The following SORCS1 variants were observed in gnomAD, a reference collection of about 807,000 sequenced individuals.
The protein encoded by SORCS1 is VPS10 domain-containing receptor SorCS1.
In SORCS1, 60 loss-of-function variants were observed where a neutral mutation model predicts 146.1. The ratio of observed to expected loss-of-function variants is 0.41; its 90% CI spans 0.33 to 0.51. SORCS1 has a LOEUF of 0.51. Ranked by LOEUF, SORCS1 falls within the 20% of genes least tolerant of loss-of-function variation. SORCS1 has a pLI of 0.21. For synonymous variants in SORCS1, 637 were observed against 584.0 expected (o/e 1.09, Z -1.31); for missense variants, 1,352 against 1,487.6 (o/e 0.91, Z 1.50).
intron 1 of SORCS1, among the ~76,000 whole-genome samples, chr10:107,043,017 C>T (rs1236765337): frequency 1.3e-5 from 2 of 152,062 alleles, no homozygotes; most frequent in East Asian, 1.9e-4. Context: ...TCAATTTATC[C>T]CAAAGATCCC....
chr10:107,125,314 C>T (rs761844084), intron 1 of SORCS1, among the ~76,000 whole-genome samples: 12 of 152,276 alleles, frequency 7.9e-5, no homozygotes, highest in South Asian at 6.2e-4. Flanking sequence ...AGAAGTTTCA[C>T]AAATTTGCTC....
intron 13 of SORCS1, 56 bp from the exon 14 acceptor site, chr10:106,675,212 T>C: frequency 7.4e-7 from 1 of 1,348,460 alleles, no homozygotes; most frequent in African/African-American, 1.4e-5. Flanking sequence ...AAAATGTCAT[T>C]TCAAAGGAAA....
chr10:106,875,658 T>C (rs1418913111), intron 2 of SORCS1, among the ~76,000 whole-genome samples: 2 of 152,206 alleles, frequency 1.3e-5, no homozygotes, highest in African/African-American at 2.4e-5. Context: ...TGGCCATTGT[T>C]GCAGGAGTAA....
At chr10:106,715,394 C>G (rs1051338836) in intron 6 of SORCS1, among the ~76,000 whole-genome samples, 1 of 152,142 alleles carries the variant, frequency 6.6e-6, no homozygotes, top group Non-Finnish European at 1.5e-5. Flanking sequence ...TAATGCAATC[C>G]CCATCCACCC....
chr10:106,854,762 C>T (rs1949719154), intron 2 of SORCS1, among the ~76,000 whole-genome samples: 2 of 152,180 alleles, frequency 1.3e-5, no homozygotes, highest in Admixed American at 6.5e-5. Context: ...AATTCTCCTT[C>T]CCAATTCTTG....
intron 1 of SORCS1, among the ~76,000 whole-genome samples, chr10:107,062,063 A>G (rs1961281746): frequency 6.6e-6 from 1 of 152,128 alleles, no homozygotes; most frequent in Admixed American, 6.6e-5. Flanking sequence ...CAAGTCCCTC[A>G]TCTTTAGATG....
chr10:107,001,314 C>A (rs1957208863), intron 1 of SORCS1, among the ~76,000 whole-genome samples: 1 of 152,090 alleles, frequency 6.6e-6, no homozygotes, highest in East Asian at 1.9e-4. Context: ...GTGGGGAGTG[C>A]AATGGGAGGA....
At chr10:106,794,432 T>C (rs1946447354) in intron 3 of SORCS1, among the ~76,000 whole-genome samples, 1 of 152,194 alleles carries the variant, frequency 6.6e-6, no homozygotes, top group East Asian at 1.9e-4. Flanking sequence ...GAGAGCACAT[T>C]AAACACTGGA....
In SORCS1 at chr10:107,079,438, G is replaced by C. The variant is rs144576375; in HGVS notation, c.558+84531C>G. Among the ~76,000 whole-genome samples the C allele has an allele frequency of 2.0e-4, 31 of 152,264 alleles. 1 individual carries two copies. In the East Asian group the frequency reaches 5.6e-3, roughly 28 times the overall value. On this transcript the variant is annotated intron_variant, in intron 1 of 25. Coordinates refer to ENST00000263054, the MANE Select transcript of SORCS1 (RefSeq NM_052918.5). ...TCTACATTGTTTGTCATAATGGAGG[G>C]TTGGTATTAGTGCTTCCCCTGATCT...
chr10:106,732,825 CA>C (rs1856690628), intron 5 of SORCS1, among the ~76,000 whole-genome samples: 1 of 151,968 alleles, frequency 6.6e-6, no homozygotes, highest in Non-Finnish European at 1.5e-5. Flanking sequence ...TATCAACAAA[CA>C]AAAAACAGGC....
In SORCS1 at chr10:106,787,144, C is replaced by T. The variant is rs905447095; in HGVS notation, c.727-10452G>A. Among the ~76,000 whole-genome samples, 5 of 152,092 alleles carry T rather than the reference C, an allele frequency of 3.3e-5. No individual in the cohort carries two copies. In the South Asian group the frequency reaches 8.3e-4, roughly 25 times the overall value. ...AACCTATATCTAGGCATTATAATCC[C>T]CTCATTTAATTAAGGATCTGATATC... On this transcript the variant is annotated intron_variant, in intron 3 of 25. Coordinates refer to ENST00000263054, the MANE Select transcript of SORCS1 (RefSeq NM_052918.5).
intron 2 of SORCS1, among the ~76,000 whole-genome samples, chr10:106,941,173 T>C (rs901993052): frequency 2.3e-4 from 35 of 152,178 alleles, no homozygotes; most frequent in African/African-American, 7.7e-4. Flanking sequence ...ATATAGTAAA[T>C]TGTCAGTATA....
At chr10:106,983,288 ATTC>A (rs995027228) in intron 1 of SORCS1, among the ~76,000 whole-genome samples, 1 of 149,434 alleles carries the variant, frequency 6.7e-6, no homozygotes, top group Non-Finnish European at 1.5e-5. Context: ...ACATATTTCT[ATTC>A]TTAGAAATTA....
At chr10:106,757,390 G>A (rs1858730906) in intron 5 of SORCS1, among the ~76,000 whole-genome samples, 2 of 152,064 alleles carry the variant, frequency 1.3e-5, no homozygotes, top group African/African-American at 2.4e-5. Context: ...GATTAAAGGA[G>A]GTTTCTTTTA....
chr10:106,647,859 T>G (rs1158137415), intron 18 of SORCS1, among the ~76,000 whole-genome samples: 1 of 152,044 alleles, frequency 6.6e-6, no homozygotes, highest in African/African-American at 2.4e-5. Flanking sequence ...ATATCTACCG[T>G]TTTTTAATTT....
At chr10:106,981,687 T>C (rs368847456) in intron 1 of SORCS1, among the ~76,000 whole-genome samples, 3 of 152,260 alleles carry the variant, frequency 2.0e-5, no homozygotes, top group African/African-American at 4.8e-5. Context: ...TCTCCAACAA[T>C]AGCCTGAGGC....
At chr10:106,976,856 A>G (rs902685906) in intron 1 of SORCS1, among the ~76,000 whole-genome samples, 2 of 152,134 alleles carry the variant, frequency 1.3e-5, no homozygotes, top group Non-Finnish European at 2.9e-5. Flanking sequence ...GTGTCCCTGT[A>G]AAGGACATGA....
chr10:107,020,876 A>G (rs1204124221), intron 1 of SORCS1, among the ~76,000 whole-genome samples: 2 of 152,082 alleles, frequency 1.3e-5, no homozygotes, highest in African/African-American at 2.4e-5. Flanking sequence ...AACTTAATCA[A>G]CTTCACTTTT....
At chr10:106,737,513 T>C (rs971037291) in intron 5 of SORCS1, among the ~76,000 whole-genome samples, 4 of 152,024 alleles carry the variant, frequency 2.6e-5, no homozygotes, top group African/African-American at 9.7e-5. Flanking sequence ...TCACTTGAGG[T>C]TGGAAGTTCG....
Sources: gnomAD v4.1 joint callset for allele counts (sites outside exome capture counted in the v4.1 genomes callset) on GRCh38, gnomAD v4.1.1 for gene constraint, MANE v1.5 for transcripts, NCBI Gene and HGNC (gene_info 2026-07-23, HGNC 2026-07-21) for gene names.